PPM1L: variants seen among roughly 807,000 people sequenced by gnomAD.
The protein encoded by PPM1L is protein phosphatase 1L.
PPM1L carries 13 observed loss-of-function variants against 31.4 expected under a neutral mutation model. The observed-to-expected ratio is 0.41, with a 90% CI of 0.27 to 0.66. PPM1L has a LOEUF of 0.66. Ranked by LOEUF, PPM1L falls within the 30% of genes least tolerant of loss-of-function variation. PPM1L has a pLI of 0.29. For synonymous variants in PPM1L, 184 were observed against 175.4 expected (o/e 1.05, Z -0.39); for missense variants, 326 against 453.7 (o/e 0.72, Z 2.56).
intron 1 of PPM1L, among the ~76,000 whole-genome samples, chr3:160,814,545 A>G (rs188099448): frequency 3.3e-5 from 4 of 120,328 alleles, no homozygotes; most frequent in Admixed American, 3.2e-4. Context: ...GTATGTGTAT[A>G]TATACACACA....
intron 1 of PPM1L, among the ~76,000 whole-genome samples, chr3:160,887,172 A>G (rs1712945769): frequency 6.6e-6 from 1 of 152,030 alleles, no homozygotes. Flanking sequence ...AAAACAATGA[A>G]AAGGAATGAA....
At chr3:160,952,189 T>C (rs1715595666) in intron 1 of PPM1L, among the ~76,000 whole-genome samples, 1 of 152,214 alleles carries the variant, frequency 6.6e-6, no homozygotes, top group Non-Finnish European at 1.5e-5. Flanking sequence ...GTTCTCTTCC[T>C]GGTGGGCAAG....
At chr3:161,041,703 A>G (rs1185573546) in intron 2 of PPM1L, among the ~76,000 whole-genome samples, 2 of 152,136 alleles carry the variant, frequency 1.3e-5, no homozygotes, top group Non-Finnish European at 2.9e-5. Flanking sequence ...AGCTGAGATC[A>G]CACCACTGCA....
At chr3:160,823,402 C>T (rs1390128327) in intron 1 of PPM1L, among the ~76,000 whole-genome samples, 2 of 141,750 alleles carry the variant, frequency 1.4e-5, no homozygotes, top group Admixed American at 7.2e-5. Context: ...TAGTAGAGAT[C>T]GGGTTTCGCC....
At chr3:161,009,801 A>G (rs1015889822) in intron 2 of PPM1L, among the ~76,000 whole-genome samples, 2 of 152,194 alleles carry the variant, frequency 1.3e-5, no homozygotes, top group Non-Finnish European at 2.9e-5. Context: ...TATGTCCTAC[A>G]GTTGAAATCT....
intron 2 of PPM1L, among the ~76,000 whole-genome samples, chr3:160,983,139 A>G (rs1262383295): frequency 1.3e-5 from 2 of 152,212 alleles, no homozygotes; most frequent in Non-Finnish European, 2.9e-5. Context: ...AAATAGAGAT[A>G]AACTAAGCCA....
intron 1 of PPM1L, among the ~76,000 whole-genome samples, chr3:160,893,690 T>C (rs932289875): frequency 6.6e-6 from 1 of 152,186 alleles, no homozygotes; most frequent in Non-Finnish European, 1.5e-5. Context: ...CAAAAAATTA[T>C]GCTATACTTG....
intron 1 of PPM1L, among the ~76,000 whole-genome samples, chr3:160,925,040 A>G (rs577134370): frequency 1.1e-4 from 16 of 152,360 alleles, no homozygotes; most frequent in African/African-American, 3.6e-4. Context: ...TCCTTTCAGA[A>G]TAAACTGCAT....
intron 2 of PPM1L, chr3:161,022,443 A>G: frequency 3.4e-6 from 1 of 296,804 alleles, no homozygotes; most frequent in Non-Finnish European, 6.1e-6. Flanking sequence ...TTAAATTAAA[A>G]TCCTGCTTCT....
At chr3:161,006,379 TG>T (rs1242618674) in intron 2 of PPM1L, among the ~76,000 whole-genome samples, 1 of 152,176 alleles carries the variant, frequency 6.6e-6, no homozygotes, top group Non-Finnish European at 1.5e-5. Flanking sequence ...TGTTGTTTGA[TG>T]GGGATAGAGT....
chr3:160,968,089 TCATGAATATTCC>T (rs144483195), intron 2 of PPM1L, among the ~76,000 whole-genome samples: 2,137 of 152,132 alleles, frequency 0.014, 59 homozygotes, highest in African/African-American at 0.049. Context: ...TAGCATCTGC[TCATGAATATTCC>T]CAGGCATATT....
chr3:160,959,453 T>G (rs551026495), intron 1 of PPM1L, among the ~76,000 whole-genome samples: 1 of 152,160 alleles, frequency 6.6e-6, no homozygotes, highest in African/African-American at 2.4e-5. Context: ...TGAAATAAAA[T>G]TTTTAAAAAC....
At chr3:160,817,458 G>A (rs903036494) in intron 1 of PPM1L, among the ~76,000 whole-genome samples, 1 of 152,082 alleles carries the variant, frequency 6.6e-6, no homozygotes, top group Admixed American at 6.6e-5. Flanking sequence ...AATGGCTAAA[G>A]ATAATTGGAT....
At chr3:161,044,690 A>G (rs1384893256) in intron 2 of PPM1L, among the ~76,000 whole-genome samples, 1 of 152,222 alleles carries the variant, frequency 6.6e-6, no homozygotes, top group East Asian at 1.9e-4. Context: ...AAGACCATCG[A>G]TGCTAAGAAG....
chr3:160,785,419 A>G (rs1344238017), intron 1 of PPM1L, among the ~76,000 whole-genome samples: 1 of 152,210 alleles, frequency 6.6e-6, no homozygotes, highest in Admixed American at 6.5e-5. Context: ...TTATAACTTA[A>G]AATGCTCAAA....
At chr3:160,938,387 C>G (rs902683461) in intron 1 of PPM1L, among the ~76,000 whole-genome samples, 4 of 152,082 alleles carry the variant, frequency 2.6e-5, no homozygotes, top group Non-Finnish European at 5.9e-5. Flanking sequence ...ATGCTTCTAT[C>G]CTTTAGGTTT....
chr3:160,805,686 C>G (rs553069305), intron 1 of PPM1L, among the ~76,000 whole-genome samples: 39 of 152,260 alleles, frequency 2.6e-4, no homozygotes, highest in African/African-American at 9.2e-4. Flanking sequence ...CATGCCGTTG[C>G]ACTCCAGCCT....
intron 2 of PPM1L, among the ~76,000 whole-genome samples, chr3:161,017,610 G>A (rs982355553): frequency 3.9e-5 from 6 of 152,098 alleles, no homozygotes; most frequent in East Asian, 1.9e-4. Context: ...CAGAATTGTC[G>A]TGGGAGGTTG....
At chr3:161,055,577 C>T (rs140929124) in intron 2 of PPM1L, among the ~76,000 whole-genome samples, 17 of 152,178 alleles carry the variant, frequency 1.1e-4, no homozygotes, top group African/African-American at 3.1e-4. Flanking sequence ...CAAACCTTTA[C>T]GAGATAAACC....
Sources: gnomAD v4.1 joint callset for allele counts (sites outside exome capture counted in the v4.1 genomes callset) on GRCh38, gnomAD v4.1.1 for gene constraint, MANE v1.5 for transcripts, NCBI Gene and HGNC (gene_info 2026-07-23, HGNC 2026-07-21) for gene names.